Variants in RECQL5 observed in about 807,000 individuals in gnomAD.
The protein encoded by RECQL5 is RecQ like helicase 5.
RECQL5 carries 88 observed loss-of-function variants against 103.4 expected under a neutral mutation model. The observed-to-expected ratio is 0.85, with a 90% CI of 0.72 to 1.02. The LOEUF (loss-of-function observed/expected upper bound fraction) is 1.02. Among genes scored for constraint, RECQL5 ranks in the 50% least tolerant of loss-of-function variants. RECQL5 has a pLI of 0.00. For synonymous variants in RECQL5, 552 were observed against 507.9 expected (o/e 1.09, Z -1.17); for missense variants, 1,232 against 1,284.3 (o/e 0.96, Z 0.62).
In RECQL5 at chr17:75,640,132, G is replaced by A. The variant is rs539953678; in HGVS notation, c.1230-8464C>T. The A allele has an allele frequency of 4.6e-4, 672 of 1,467,480 alleles. No homozygotes were observed. The highest frequency in any genetic ancestry group is 5.2e-4 in the Admixed American group (21 of 40,514). The allele number at this position is 1,467,480 out of a possible 1,614,324, so 90.9% of individuals were successfully genotyped here. A position where few individuals can be genotyped will look rare whatever the true frequency, so the allele number is the denominator to read the frequency against. On this transcript the variant is annotated intron_variant, in intron 8 of 19. Transcript: ENST00000317905. This position sits in a 1 kb window ranked among gnomAD's most constrained non-coding sequence, Gnocchi z 4.6. Reference sequence around the variant, plus strand: ...TGCTGCGACGAGTGTGGGGCCAGCCGTGGAGGCTCCAGGTGTTCTCTCTGC... The same window carrying A: ...TGCTGCGACGAGTGTGGGGCCAGCCATGGAGGCTCCAGGTGTTCTCTCTGC...
rs375303889 is a variant in RECQL5, at chr17:75,629,256, A to T, written c.2167T>A (p.Tyr723Asn). The T allele has an allele frequency of 9.7e-5, 157 of 1,611,034 alleles. No individual in the cohort carries two copies. Among genetic ancestry groups the T allele is most frequent in the Non-Finnish European group, 1.4e-5 (16 of 1,178,828 alleles). Residue 723 changes from tyrosine to asparagine, a missense_variant, in exon 16 of 20, where the codon TAT (tyrosine) becomes AAT (asparagine). Coordinates refer to ENST00000317905, the MANE Select transcript of RECQL5 (RefSeq NM_004259.7). ...RGEVPGGSAH[Y>N]GGPSPEKKAK... ...TTCTTCTCAGGGGAGGGCCCCCCAT[A>T]GTGAGCGCTGCCTCCAGGGACCTCC...
rs188107216 is a variant in RECQL5 at position 75,651,004 on chromosome 17, C to T, written c.1229+182G>A. The T allele has an allele frequency of 8.2e-4, 1,235 of 1,512,796 alleles. 13 individuals carry two copies. In the Admixed American group the frequency reaches 0.023, roughly 28 times the overall value. The allele number at this position is 1,512,796 out of a possible 1,614,324, so 93.7% of individuals were successfully genotyped here. A position where few individuals can be genotyped will look rare whatever the true frequency, so the allele number is the denominator to read the frequency against. Reference sequence around the variant, plus strand: ...CAAATCCCCACACTGCGAGAGATCCCGGGGCCTCCAATAGAGAAGAGCAAG... The same window carrying T: ...CAAATCCCCACACTGCGAGAGATCCTGGGGCCTCCAATAGAGAAGAGCAAG... On this transcript the variant is annotated intron_variant, in intron 8 of 19. Transcript: ENST00000317905.
chr17:75,650,937 A>G lies in RECQL5; in HGVS notation c.1229+249T>C, dbSNP rs548505776. 4.1e-6 allele frequency: 6 copies of G among 1,447,786 alleles called. No individual in the cohort carries two copies. In the South Asian group the frequency reaches 7.2e-5, roughly 17 times the overall value. 89.7% of individuals were successfully genotyped at this position (1,447,786 alleles called of 1,614,324 possible). A position where few individuals can be genotyped will look rare whatever the true frequency, so the allele number is the denominator to read the frequency against. On this transcript the variant is annotated intron_variant, in intron 8 of 19. Transcript: ENST00000317905. ...GGCTTGTGGGGCCAGCCATCCCAGA[A>G]GAGGGTGGAGTGGAGGGAAGGACAC...
intron 8 of RECQL5, among the ~76,000 whole-genome samples, chr17:75,644,264 C>T (rs1329331745): frequency 6.6e-6 from 1 of 152,062 alleles, no homozygotes; most frequent in Non-Finnish European, 1.5e-5. Flanking sequence ...GAGATCACGC[C>T]ACCGCACTCC....
intron 5 of RECQL5, 59 bp downstream of exon 5, chr17:75,661,547 G>A (rs1317610445): frequency 8.4e-7 from 1 of 1,183,946 alleles, no homozygotes. Flanking sequence ...TAAAGAACAA[G>A]AGACCAGCTA....
intron 8 of RECQL5, chr17:75,638,145 C>G (rs550221414): frequency 6.6e-6 from 1 of 152,138 alleles, no homozygotes; most frequent in South Asian, 2.1e-4. Context: ...ATCTAATTTT[C>G]CACGGAGCCA....
At chr17:75,647,300 G>C (rs1430282350) in intron 8 of RECQL5, 4 of 1,345,178 alleles carry the variant, frequency 3.0e-6, no homozygotes, top group Non-Finnish European at 4.0e-6. Context: ...GAGTCGGCGG[G>C]CAGAGCATAG....
In RECQL5 at chr17:75,631,443, C is replaced by T; in HGVS notation, c.1448+7G>A. 6.2e-7 allele frequency: 1 copy of T among 1,605,286 alleles called. No individual in the cohort carries two copies. The highest frequency in any genetic ancestry group is 1.1e-5 in the South Asian group (1 of 90,960). ...CGGGTTGGAGCCCTGGCTTCTCGGC[C>T]CCTTACCTGCTGAAGTCCCCGTAGC... On this transcript the variant is annotated splice_region_variant and intron_variant, in intron 9 of 19. Transcript: ENST00000317905.
In RECQL5 at chr17:75,662,512, G is replaced by T; in HGVS notation, c.738C>A (p.Cys246Ter). 6.2e-7 allele frequency: 1 copy of T among 1,614,104 alleles called. No individual in the cohort carries two copies. Among genetic ancestry groups the T allele is most frequent in the Non-Finnish European group, 8.5e-7 (1 of 1,180,016 alleles). ...SDPYGNLKDFCLKALGQEADK... is the reference protein window; with the variant it reads ...SDPYGNLKDF ...CAGCCTCCTGTCCAAGAGCCTTAAG[G>T]CAGAAGTCCTTCAGGTTCCCATAGG... The change falls in exon 4 of 20, where the codon TGC becomes TGA. Residue 246 changes from cysteine to a stop codon, truncating the protein, a stop_gained. Coordinates refer to ENST00000317905, the MANE Select transcript of RECQL5 (RefSeq NM_004259.7). LOFTEE classifies it high-confidence loss of function.
chr17:75,630,373 T>G (rs2059184548), intron 13 of RECQL5, 96 bp from the exon 14 acceptor site: 3 of 1,153,054 alleles, frequency 2.6e-6, no homozygotes, highest in African/African-American at 1.6e-5. Flanking sequence ...GGGTAGGCCT[T>G]GGGCACAGGG....
In RECQL5 at chr17:75,631,349, A is replaced by AG. The variant is rs997700291; in HGVS notation, c.1448+100dup. The AG allele has an allele frequency of 1.2e-5, 19 of 1,530,016 alleles. No individual in the cohort carries two copies. The African/African-American group carries it at 2.0e-4, about 17-fold the overall frequency. The allele number at this position is 1,530,016 out of a possible 1,614,324, so 94.8% of individuals were successfully genotyped here. A position where few individuals can be genotyped will look rare whatever the true frequency, so the allele number is the denominator to read the frequency against. On this transcript the variant is annotated intron_variant, in intron 9 of 19. Transcript: ENST00000317905. ...ATGTCCCTGATGTCCTACCAGCTCA[A>AG]GGGGGGATTGCGGCATCGTGCCACC...
intron 8 of RECQL5, chr17:75,633,478 G>A (rs1225786780): frequency 4.7e-6 from 6 of 1,289,086 alleles, no homozygotes; most frequent in South Asian, 3.7e-5. Flanking sequence ...AACATGAGGC[G>A]CCTTGCCGGG....
intron 3 of RECQL5, among the ~76,000 whole-genome samples, chr17:75,664,008 C>T (rs1006944124): frequency 2.8e-5 from 4 of 143,588 alleles, no homozygotes; most frequent in African/African-American, 7.7e-5. Context: ...GAGCCGAGAA[C>T]ACGCCATTGC....
intron 7 of RECQL5, among the ~76,000 whole-genome samples, chr17:75,655,948 C>G (rs564897735): frequency 6.6e-6 from 1 of 152,304 alleles, no homozygotes; most frequent in Non-Finnish European, 1.5e-5. Flanking sequence ...TCCCAAAGTG[C>G]TGGGATTACA....
chr17:75,627,659 G>T lies in RECQL5; in HGVS notation c.2839C>A (p.His947Asn), dbSNP rs760335198. The change falls in exon 19 of 20, where the codon CAC becomes AAC. Residue 947 changes from histidine to asparagine, a missense_variant. Physicochemically the swap from His to Asn is moderately conservative, Grantham distance 68. Coordinates refer to ENST00000317905, the MANE Select transcript of RECQL5 (RefSeq NM_004259.7). ...LFKGFARHLS[H>N]LLTQKTSPGR... ...GGAGAGGTCTTCTGAGTCAGCAAGT[G>T]TGAGAGGTGGCGGGCAAAGCCTTTA... 1 of 1,611,668 alleles carries T rather than the reference G, an allele frequency of 6.2e-7. No homozygotes were observed. The highest frequency in any genetic ancestry group is 8.5e-7 in the Non-Finnish European group (1 of 1,178,902).
chr17:75,662,116 G>A (rs1568285164), intron 4 of RECQL5, among the ~76,000 whole-genome samples: 1 of 152,010 alleles, frequency 6.6e-6, no homozygotes, highest in South Asian at 2.1e-4. Flanking sequence ...AGCCAAGATT[G>A]CGCCATTGCA....
rs34569441 is a variant in RECQL5, at chr17:75,664,054, C to CAAA, written c.252+994_252+996dup. ...GGGCAACAAGAGCGAAACTCCATCTCAAAAAAAAAAAAAAAAAAAGAAAGA... is the reference window on the plus strand; with the variant it reads ...GGGCAACAAGAGCGAAACTCCATCTCAAAAAAAAAAAAAAAAAAAAAAGAAAGA... On this transcript the variant is annotated intron_variant, in intron 3 of 19. Transcript: ENST00000317905. Among the ~76,000 whole-genome samples, 169 of 105,516 alleles carry CAAA rather than the reference C, an allele frequency of 1.6e-3. 1 individual carries two copies. Among genetic ancestry groups the CAAA allele is most frequent in the Middle Eastern group, 5.1e-3 (1 of 196 alleles). 69.2% of individuals were successfully genotyped at this position (105,516 alleles called of 152,430 possible). A position where few individuals can be genotyped will look rare whatever the true frequency, so the allele number is the denominator to read the frequency against.
intron 18 of RECQL5, 70 bp downstream of exon 18, chr17:75,628,148 T>A: frequency 4.1e-5 from 52 of 1,258,850 alleles, no homozygotes; most frequent in Non-Finnish European, 5.6e-5. Flanking sequence ...TCAAACTCCC[T>A]GCCTCCCACC....
chr17:75,634,754 C>T (rs950070096), intron 8 of RECQL5, among the ~76,000 whole-genome samples: 2 of 152,226 alleles, frequency 1.3e-5, no homozygotes, highest in African/African-American at 2.4e-5. Context: ...CTGGGCCCAT[C>T]TAGAACCCCA....
Sources: allele counts gnomAD v4.1 joint callset (sites outside exome capture counted in the v4.1 genomes callset), GRCh38; gene constraint gnomAD v4.1.1; non-coding constraint Gnocchi (gnomAD v3.1); transcripts MANE v1.5; gene names NCBI Gene and HGNC (gene_info 2026-07-23, HGNC 2026-07-21).